The following SLK variants were observed in gnomAD, a reference collection of about 807,000 sequenced individuals.
The protein encoded by SLK is STE20 like kinase, also known as STE20-like serine/threonine-protein kinase.
A neutral mutation model predicts 147.7 loss-of-function variants in SLK; 67 were observed. The observed-to-expected ratio is 0.45, with a 90% CI of 0.37 to 0.56. SLK has a LOEUF of 0.56. SLK is among the 20% of genes least tolerant of loss of function. The pLI is 0.00. For missense variants in SLK, 1,136 were observed against 1,438.8 expected (o/e 0.79, Z 3.41); for synonymous variants, 441 against 475.0 (o/e 0.93, Z 0.93).
intron 1 of SLK, among the ~76,000 whole-genome samples, chr10:103,979,961 T>C (rs746007520): frequency 5.9e-5 from 9 of 152,220 alleles, no homozygotes; most frequent in Non-Finnish European, 1.3e-4. Context: ...TGCTGTGTTA[T>C]CTTTGTAAAG....
chr10:103,981,888 G>C (rs1791101720), intron 1 of SLK, among the ~76,000 whole-genome samples: 1 of 152,102 alleles, frequency 6.6e-6, no homozygotes, highest in Non-Finnish European at 1.5e-5. Flanking sequence ...TTTTGATAGG[G>C]ATTGCATTGA....
intron 16 of SLK, 115 bp from the exon 17 acceptor site, chr10:104,020,373 A>G: frequency 1.0e-6 from 1 of 999,594 alleles, no homozygotes; most frequent in Non-Finnish European, 1.4e-6. Flanking sequence ...TCAGCATATT[A>G]TTACTTGTAG....
At chr10:103,997,990 ATTTCTGTTTAATT>A (rs938329715) in intron 4 of SLK, among the ~76,000 whole-genome samples, 1 of 152,146 alleles carries the variant, frequency 6.6e-6, no homozygotes, top group Non-Finnish European at 1.5e-5. Flanking sequence ...AATATTTGTA[ATTTCTGTTTAATT>A]TACAAATACT....
Position 103,967,813 on chromosome 10 carries a change from A to C in SLK, c.68A>C (p.His23Pro), listed in dbSNP as rs1843736796. Reference protein sequence around the residue: ...GSEKKKKQYEHVKRDLNPEDF... With the variant: ...GSEKKKKQYEPVKRDLNPEDF... Reference sequence around the variant, plus strand: ...GAGAAGAAGAAGAAGCAGTACGAACACGTGAAGAGGGACCTGAACCCCGAA... The same window carrying C: ...GAGAAGAAGAAGAAGCAGTACGAACCCGTGAAGAGGGACCTGAACCCCGAA... The change falls in exon 1 of 19, where the codon CAC becomes CCC. Residue 23 changes from histidine to proline, a missense_variant. Physicochemically the swap from His to Pro is moderately conservative, Grantham distance 77. Coordinates refer to ENST00000369755, the MANE Select transcript of SLK (RefSeq NM_014720.4). The C allele has an allele frequency of 6.2e-7, 1 of 1,614,078 alleles. No individual in the cohort carries two copies. The highest frequency in any genetic ancestry group is 8.5e-7 in the Non-Finnish European group (1 of 1,180,004).
chr10:104,004,290 C>A (rs537906406), intron 9 of SLK, among the ~76,000 whole-genome samples: 1 of 152,282 alleles, frequency 6.6e-6, no homozygotes, highest in Admixed American at 6.5e-5. Flanking sequence ...GATTTTCTTA[C>A]ATGTATTCCT....
Position 103,990,863 on chromosome 10 carries a change from A to C in SLK, c.315+24A>C, listed in dbSNP as rs1361498067. ...GGGTAAGTATTTTCTGTTGATCTAAAGGAGTAGCCAAAATGAGTTAATTGT... is the reference window on the plus strand; with the variant it reads ...GGGTAAGTATTTTCTGTTGATCTAACGGAGTAGCCAAAATGAGTTAATTGT... On this transcript the variant is annotated intron_variant, in intron 2 of 18. Transcript: ENST00000369755. 6.8e-5 allele frequency: 96 copies of C among 1,418,132 alleles called. 1 individual carries two copies. Among genetic ancestry groups the C allele is most frequent in the Non-Finnish European group, 8.3e-5 (89 of 1,075,432 alleles). The allele number at this position is 1,418,132 out of a possible 1,614,324, so 87.8% of individuals were successfully genotyped here. A position where few individuals can be genotyped will look rare whatever the true frequency, so the allele number is the denominator to read the frequency against.
intron 1 of SLK, among the ~76,000 whole-genome samples, chr10:103,982,803 A>G (rs1351286743): frequency 6.6e-6 from 1 of 152,162 alleles, no homozygotes; most frequent in Non-Finnish European, 1.5e-5. Context: ...CCTTGATTTC[A>G]CCTCTCATGA....
chr10:104,021,786 C>A, intron 18 of SLK, 53 bp downstream of exon 18: 1 of 915,638 alleles, frequency 1.1e-6, no homozygotes. Flanking sequence ...TCCGTCTACC[C>A]AGCTATTGGC....
intron 4 of SLK, among the ~76,000 whole-genome samples, chr10:103,994,871 G>T (rs1844146315): frequency 6.6e-6 from 1 of 152,078 alleles, no homozygotes; most frequent in Admixed American, 6.5e-5. Context: ...GAATCCAAAG[G>T]CTTGATCAGT....
chr10:104,021,747 CT>C lies in SLK; in HGVS notation c.3561+17del. On this transcript the variant is annotated intron_variant, in intron 18 of 18. Transcript: ENST00000369755. The stretch of plus-strand genomic sequence containing the variant: ...CCTAGGAAAAAGGTAATTTTAAAAG[CT>C]TTAATTAAAATGATATGTGTGTACT... 7.0e-7 allele frequency: 1 copy of C among 1,421,036 alleles called. No individual in the cohort carries two copies. The highest frequency in any genetic ancestry group is 9.9e-7 in the Non-Finnish European group (1 of 1,008,496). 88.0% of individuals were successfully genotyped at this position (1,421,036 alleles called of 1,614,324 possible).
rs1295783129 is a variant in SLK, at chr10:103,967,631, G to C, written c.-115G>C. 2 of 867,928 alleles carry C rather than the reference G, an allele frequency of 2.3e-6. No homozygotes were observed. Among genetic ancestry groups the C allele is most frequent in the African/African-American group, 1.8e-5 (1 of 55,578 alleles). 53.8% of individuals were successfully genotyped at this position (867,928 alleles called of 1,614,324 possible). A position where few individuals can be genotyped will look rare whatever the true frequency, so the allele number is the denominator to read the frequency against. ...GCCCGGCCGGAGCTGCGGGGGCCGA[G>C]GGACGCCGCGCCCGCCGCCGCCAGC... On this transcript the variant is annotated 5_prime_UTR_variant, in exon 1 of 19. Coordinates refer to ENST00000369755, the MANE Select transcript of SLK (RefSeq NM_014720.4).
At chr10:103,990,203 C>T (rs1338941525) in intron 1 of SLK, among the ~76,000 whole-genome samples, 3 of 152,116 alleles carry the variant, frequency 2.0e-5, no homozygotes, top group Admixed American at 6.6e-5. Context: ...GATGAGTAGG[C>T]AGAGCACAGA....
intron 16 of SLK, 129 bp downstream of exon 16, chr10:104,020,051 C>T (rs1480526609): frequency 1.4e-6 from 1 of 723,330 alleles, no homozygotes. Flanking sequence ...CACTTTAATT[C>T]TGTGGGCTGG....
intron 4 of SLK, among the ~76,000 whole-genome samples, chr10:103,993,569 T>C (rs114649945): frequency 0.013 from 1,968 of 152,274 alleles, 41 homozygotes; most frequent in African/African-American, 0.045. Context: ...TTTATTGATA[T>C]GGTACGTTGA....
chr10:103,993,203 A>T, intron 4 of SLK, 70 bp downstream of exon 4: 2 of 1,210,388 alleles, frequency 1.7e-6, no homozygotes, highest in Non-Finnish European at 2.4e-6. Context: ...TATGTGACTT[A>T]ATGTGGTTTT....
chr10:104,011,781 C>T (rs1052220137), intron 13 of SLK, among the ~76,000 whole-genome samples: 5 of 152,048 alleles, frequency 3.3e-5, no homozygotes, highest in Non-Finnish European at 7.4e-5. Flanking sequence ...AGGATGGTCT[C>T]GATCTCTTGA....
At chr10:103,981,527 G>A (rs1026450265) in intron 1 of SLK, among the ~76,000 whole-genome samples, 1 of 151,978 alleles carries the variant, frequency 6.6e-6, no homozygotes, top group Non-Finnish European at 1.5e-5. Flanking sequence ...TTTTGTTTAT[G>A]GTGTTAGGTA....
intron 1 of SLK, among the ~76,000 whole-genome samples, chr10:103,990,308 CTG>C (rs200105195): frequency 6.6e-6 from 1 of 152,260 alleles, no homozygotes; most frequent in East Asian, 1.9e-4. Context: ...CAAGAGCAAA[CTG>C]TAATGTAAAC....
intron 1 of SLK, among the ~76,000 whole-genome samples, chr10:103,985,338 T>A (rs1035402062): frequency 6.6e-6 from 1 of 152,172 alleles, no homozygotes; most frequent in African/African-American, 2.4e-5. Context: ...TTGTTTGTCT[T>A]TGTGTTTTCT....
Sources: allele counts gnomAD v4.1 joint callset (sites outside exome capture counted in the v4.1 genomes callset), GRCh38; gene constraint gnomAD v4.1.1; transcripts MANE v1.5; gene names NCBI Gene and HGNC (gene_info 2026-07-23, HGNC 2026-07-21).